GNAQ: variants seen among roughly 807,000 people sequenced by gnomAD.
GNAQ encodes the protein guanine nucleotide-binding protein G(q) subunit alpha.
A neutral mutation model predicts 43.9 loss-of-function variants in GNAQ; 8 were observed. That is an observed-to-expected ratio of 0.18 (90% CI 0.11 to 0.33). The LOEUF is 0.33. Ranked by LOEUF, GNAQ falls within the 10% of genes least tolerant of loss-of-function variation. The pLI is 1.00. For missense variants in GNAQ, 158 were observed against 450.8 expected, an observed-to-expected ratio of 0.35 and a Z score of 5.88; for synonymous variants, 155 against 170.7, an observed-to-expected ratio of 0.91 and a Z score of 0.71.
intron 1 of GNAQ, among the ~76,000 whole-genome samples, chr9:77,952,046 G>C (rs1389684477): frequency 6.6e-6 from 1 of 151,990 alleles, no homozygotes. Context: ...ATCATGAGTG[G>C]GCAAAAAGAC....
At chr9:77,977,722 C>A (rs972689056) in intron 1 of GNAQ, among the ~76,000 whole-genome samples, 2 of 152,164 alleles carry the variant, frequency 1.3e-5, no homozygotes, top group African/African-American at 2.4e-5. Context: ...ATAGGAGGAA[C>A]ATTTTCACTT....
At chr9:77,954,810 T>C (rs1020811157) in intron 1 of GNAQ, among the ~76,000 whole-genome samples, 1 of 152,184 alleles carries the variant, frequency 6.6e-6, no homozygotes, top group African/African-American at 2.4e-5. Context: ...AACGGCGCTA[T>C]TAAGCTGACA....
At chr9:77,982,025 T>C (rs1823374414) in intron 1 of GNAQ, among the ~76,000 whole-genome samples, 2 of 152,194 alleles carry the variant, frequency 1.3e-5, no homozygotes, top group African/African-American at 4.8e-5. Flanking sequence ...GTATCTGATT[T>C]AGGTTCCTAC....
chr9:77,750,991 A>G (rs917941955), intron 5 of GNAQ, among the ~76,000 whole-genome samples: 2 of 152,330 alleles, frequency 1.3e-5, no homozygotes, highest in South Asian at 4.1e-4. Context: ...CATGAGTCTA[A>G]TAAGTGGAGA....
At chr9:77,899,504 T>C (rs569838654) in intron 2 of GNAQ, among the ~76,000 whole-genome samples, 45 of 149,500 alleles carry the variant, frequency 3.0e-4, no homozygotes, top group African/African-American at 1.1e-3. Context: ...GTGGATACTA[T>C]CCCACACTTA....
chr9:77,748,531 G>T (rs1207880708), intron 5 of GNAQ, among the ~76,000 whole-genome samples: 3 of 152,204 alleles, frequency 2.0e-5, no homozygotes, highest in Non-Finnish European at 2.9e-5. Flanking sequence ...CTCCCATTAA[G>T]ACAACTGTGG....
chr9:77,817,104 C>T (rs1827029167), intron 2 of GNAQ, among the ~76,000 whole-genome samples: 1 of 152,140 alleles, frequency 6.6e-6, no homozygotes, highest in Non-Finnish European at 1.5e-5. Context: ...TCCGTGTTCT[C>T]CCACCCACAA....
intron 5 of GNAQ, among the ~76,000 whole-genome samples, chr9:77,734,542 G>A (rs954603134): frequency 6.6e-6 from 1 of 152,132 alleles, no homozygotes; most frequent in African/African-American, 2.4e-5. Context: ...GCATCTATGA[G>A]CTGTTCTCAG....
intron 5 of GNAQ, among the ~76,000 whole-genome samples, chr9:77,754,714 G>A (rs1176018128): frequency 6.6e-6 from 1 of 152,168 alleles, no homozygotes; most frequent in Non-Finnish European, 1.5e-5. Flanking sequence ...CAACTTAAGA[G>A]ACCCAGACAG....
rs1220286327 is a variant in GNAQ, at chr9:77,894,330, A to AATATATAAT, written c.321+27830_321+27831insATTATATAT. On this transcript the variant is annotated intron_variant, in intron 2 of 6. Coordinates refer to ENST00000286548, the MANE Select transcript of GNAQ (RefSeq NM_002072.5). Reference sequence around the variant, plus strand: ...TATATATAATATATATTTAATAGAAAATATATATTATATATATTTAATAGA... The same window carrying AATATATAAT: ...TATATATAATATATATTTAATAGAAAATATATAATATATATATTATATATATTTAATAGA... Among the ~76,000 whole-genome samples, 20 of 59,868 alleles carry AATATATAAT rather than the reference A, an allele frequency of 3.3e-4. No individual in the cohort carries two copies. The South Asian group carries it at 3.5e-3, about 11-fold the overall frequency. The allele number at this position is 59,868 out of a possible 152,430, so 39.3% of individuals were successfully genotyped here. A position where few individuals can be genotyped will look rare whatever the true frequency, so the allele number is the denominator to read the frequency against.
chr9:78,011,756 C>T (rs571739972), intron 1 of GNAQ, among the ~76,000 whole-genome samples: 1 of 152,072 alleles, frequency 6.6e-6, no homozygotes, highest in South Asian at 2.1e-4. Context: ...GAGATTTGGG[C>T]AAACCACACA....
intron 5 of GNAQ, among the ~76,000 whole-genome samples, chr9:77,750,303 A>G (rs1358380747): frequency 2.6e-5 from 4 of 152,176 alleles, no homozygotes; most frequent in Non-Finnish European, 4.4e-5. Flanking sequence ...AATCTTTCTT[A>G]AATGTAAAAT....
intron 2 of GNAQ, among the ~76,000 whole-genome samples, chr9:77,855,282 T>C (rs1176954725): frequency 6.6e-6 from 1 of 151,948 alleles, no homozygotes; most frequent in Non-Finnish European, 1.5e-5. Flanking sequence ...ACAGAGGATA[T>C]AAATAAATTA....
intron 1 of GNAQ, among the ~76,000 whole-genome samples, chr9:77,951,620 T>C (rs1587427359): frequency 6.6e-6 from 1 of 152,150 alleles, no homozygotes; most frequent in South Asian, 2.1e-4. Flanking sequence ...AAAGTCTGAT[T>C]TGTTCTCAGT....
At chr9:78,026,073 T>G (rs964262148) in intron 1 of GNAQ, among the ~76,000 whole-genome samples, 1 of 152,178 alleles carries the variant, frequency 6.6e-6, no homozygotes, top group African/African-American at 2.4e-5. Context: ...GTTTTCTTTT[T>G]TAATGAAAAA....
At chr9:77,877,842 C>A (rs1828148594) in intron 2 of GNAQ, among the ~76,000 whole-genome samples, 1 of 152,188 alleles carries the variant, frequency 6.6e-6, no homozygotes, top group South Asian at 2.1e-4. Context: ...TATGGCCCTG[C>A]AGTTCAAGTT....
intron 2 of GNAQ, among the ~76,000 whole-genome samples, chr9:77,839,130 T>G (rs1398743707): frequency 1.3e-5 from 2 of 152,124 alleles, no homozygotes; most frequent in African/African-American, 4.8e-5. Context: ...TCTCTCTTAT[T>G]CCCCCAGGCC....
At chr9:77,760,932 AGCCGCCCCATCT>A (rs1825995952) in intron 5 of GNAQ, among the ~76,000 whole-genome samples, 2 of 145,984 alleles carry the variant, frequency 1.4e-5, no homozygotes, top group Non-Finnish European at 3.0e-5. Context: ...ATCTCTGCCC[AGCCGCCCCATCT>A]GAGAAGGGAG....
intron 1 of GNAQ, among the ~76,000 whole-genome samples, chr9:78,020,222 C>T (rs942915176): frequency 6.6e-6 from 1 of 152,182 alleles, no homozygotes; most frequent in South Asian, 2.1e-4. Flanking sequence ...AAGCAGATTT[C>T]CTGAGCAAGG....
Sources: allele counts gnomAD v4.1 joint callset (sites outside exome capture counted in the v4.1 genomes callset), GRCh38; gene constraint gnomAD v4.1.1; transcripts MANE v1.5; gene names NCBI Gene and HGNC (gene_info 2026-07-23, HGNC 2026-07-21).